Variants in CAP2 observed in about 807,000 individuals in gnomAD.
The protein encoded by CAP2 is adenylyl cyclase-associated protein 2.
CAP2 carries 24 observed loss-of-function variants against 57.7 expected under a neutral mutation model. The ratio of observed to expected loss-of-function variants is 0.42; its 90% CI spans 0.30 to 0.58. CAP2 has a LOEUF of 0.58. Ranked by LOEUF, CAP2 falls within the 20% of genes least tolerant of loss-of-function variation. The pLI, the probability that CAP2 is intolerant of heterozygous loss-of-function variation, is 0.22. For missense variants in CAP2, 501 were observed against 590.3 expected (o/e 0.85, Z 1.57); for synonymous variants, 194 against 207.2 (o/e 0.94, Z 0.55).
chr6:17,467,457 G>A (rs1422692303), intron 4 of CAP2, among the ~76,000 whole-genome samples: 1 of 152,146 alleles, frequency 6.6e-6, no homozygotes, highest in Admixed American at 6.5e-5. Flanking sequence ...CCACATCACG[G>A]GGAATGGGGT....
chr6:17,461,582 A>G (rs1009999745), intron 3 of CAP2, among the ~76,000 whole-genome samples: 1 of 152,144 alleles, frequency 6.6e-6, no homozygotes, highest in Non-Finnish European at 1.5e-5. Context: ...AGTATGCTTT[A>G]TCTTACAAGA....
intron 3 of CAP2, among the ~76,000 whole-genome samples, chr6:17,437,123 A>T (rs1035442030): frequency 6.6e-6 from 1 of 152,200 alleles, no homozygotes; most frequent in Admixed American, 6.5e-5. Flanking sequence ...TTCATTATAT[A>T]TTACAATATA....
intron 4 of CAP2, among the ~76,000 whole-genome samples, chr6:17,473,420 C>G (rs2113611891): frequency 6.6e-6 from 1 of 152,242 alleles, no homozygotes; most frequent in Non-Finnish European, 1.5e-5. Context: ...GCTTGCTTAG[C>G]CACCATCAAT....
chr6:17,536,281 C>G (rs1224056523), intron 7 of CAP2: 2 of 456,700 alleles, frequency 4.4e-6, no homozygotes, highest in Non-Finnish European at 4.4e-6. Flanking sequence ...TTGCAAGGGG[C>G]AGCTCACGGA....
intron 3 of CAP2, among the ~76,000 whole-genome samples, chr6:17,461,876 C>T (rs976145671): frequency 2.0e-5 from 3 of 150,566 alleles, no homozygotes; most frequent in South Asian, 2.1e-4. Flanking sequence ...GCCTGTAGTC[C>T]CAGCTACTCG....
chr6:17,456,818 T>C (rs959799833), intron 3 of CAP2, among the ~76,000 whole-genome samples: 4 of 152,154 alleles, frequency 2.6e-5, no homozygotes, highest in Non-Finnish European at 5.9e-5. Flanking sequence ...GCCTGTGGCC[T>C]TTCCCCCCGT....
rs777803474 is a variant in CAP2, at chr6:17,406,398, C to CTTTTTTTTTTTTTT, written c.-2+12654_-2+12667dup. 2.5e-4 allele frequency among the ~76,000 whole-genome samples: 26 copies of CTTTTTTTTTTTTTT among 102,476 alleles called. 5 individuals carry two copies. The highest frequency in any genetic ancestry group is 4.8e-4 in the East Asian group (2 of 4,146). 67.2% of individuals were successfully genotyped at this position (102,476 alleles called of 152,430 possible). On this transcript the variant is annotated intron_variant, in intron 1 of 12. Coordinates refer to ENST00000229922, the MANE Select transcript of CAP2 (RefSeq NM_006366.3). The stretch of plus-strand genomic sequence containing the variant: ...CTTTTCTGTCAGTAAGCCCAGATTT[C>CTTTTTTTTTTTTTT]TTTTTTTTTTTTTTTGAGGCAGTCT...
chr6:17,442,207 A>G (rs1760104746), intron 3 of CAP2, among the ~76,000 whole-genome samples: 2 of 152,180 alleles, frequency 1.3e-5, no homozygotes. Flanking sequence ...TCATGATATA[A>G]TGATTGGAAT....
intron 3 of CAP2, among the ~76,000 whole-genome samples, chr6:17,434,972 C>A (rs1759833305): frequency 1.4e-5 from 2 of 143,658 alleles, no homozygotes; most frequent in Non-Finnish European, 3.0e-5. Flanking sequence ...AAATCAAAAC[C>A]ACTATGAGAT....
chr6:17,524,076 A>T, intron 7 of CAP2, among the ~76,000 whole-genome samples: 1 of 28,674 alleles, frequency 3.5e-5, no homozygotes, highest in African/African-American at 6.9e-5. Context: ...CTCTGTCTCA[A>T]AAAAAAAAAA....
intron 10 of CAP2, 32 bp downstream of exon 10, chr6:17,542,992 TGATGTTTTATA>T (rs1451450435): frequency 1.9e-6 from 3 of 1,613,044 alleles, no homozygotes; most frequent in East Asian, 4.5e-5. Context: ...ATGGTTATTA[TGATGTTTTATA>T]AACAAGCTGT....
chr6:17,472,975 G>A (rs982440152), intron 4 of CAP2, among the ~76,000 whole-genome samples: 2 of 152,128 alleles, frequency 1.3e-5, no homozygotes, highest in African/African-American at 4.8e-5. Flanking sequence ...AGAAACCCAG[G>A]ACTGTGGAGG....
intron 3 of CAP2, among the ~76,000 whole-genome samples, chr6:17,428,734 C>T: frequency 6.6e-6 from 1 of 151,738 alleles, no homozygotes; most frequent in African/African-American, 2.4e-5. Context: ...TGTAACTAAC[C>T]TGCACAATGT....
Position 17,507,240 on chromosome 6 carries a change from C to T in CAP2, c.372C>T (p.Asn124=). The T allele has an allele frequency of 1.9e-6, 3 of 1,614,138 alleles. No homozygotes were observed. In the African/African-American group the frequency reaches 4.0e-5, roughly 22 times the overall value. ...AAATCCAAACTTTCAGAGAGAGAAA[C>T]CGGGGGAGTAACATGTTTAATCATC... The part of the protein sequence containing the change: ...IQEIQTFRER[N]RGSNMFNHLS... Residue 124 remains asparagine, a synonymous_variant, in exon 5 of 13, where the codon AAC becomes AAT. Transcript: ENST00000229922.
intron 1 of CAP2, among the ~76,000 whole-genome samples, chr6:17,412,498 A>G (rs2328101): frequency 0.1 from 15,572 of 152,190 alleles, 2,665 homozygotes; most frequent in African/African-American, 0.35. Context: ...AAGGGGCTGG[A>G]TCTCAAATTA....
intron 7 of CAP2, among the ~76,000 whole-genome samples, chr6:17,532,802 G>A (rs113831023): frequency 0.23 from 34,783 of 149,020 alleles, 4,844 homozygotes; most frequent in African/African-American, 0.39. Flanking sequence ...GGTGGCTCAC[G>A]CCTGTAATCC....
At chr6:17,480,770 T>C (rs1411933469) in intron 4 of CAP2, among the ~76,000 whole-genome samples, 1 of 143,916 alleles carries the variant, frequency 6.9e-6, no homozygotes, top group Non-Finnish European at 1.5e-5. Context: ...TGTGGTTTTT[T>C]TGGTTTTTTT....
chr6:17,551,711 T>C, intron 12 of CAP2, 107 bp downstream of exon 12: 1 of 840,716 alleles, frequency 1.2e-6, no homozygotes. Flanking sequence ...ATTTGTAGCA[T>C]AATTCACAGG....
At chr6:17,459,819 A>G (rs1435117168) in intron 3 of CAP2, among the ~76,000 whole-genome samples, 1 of 152,202 alleles carries the variant, frequency 6.6e-6, no homozygotes, top group African/African-American at 2.4e-5. Context: ...GAGAATGCAG[A>G]TAACAAACAA....
Sources: allele counts gnomAD v4.1 joint callset (sites outside exome capture counted in the v4.1 genomes callset), GRCh38; gene constraint gnomAD v4.1.1; transcripts MANE v1.5; gene names NCBI Gene and HGNC (gene_info 2026-07-23, HGNC 2026-07-21).